The following C8orf34 variants were observed in gnomAD, a reference collection of about 807,000 sequenced individuals.
The protein encoded by C8orf34 is chromosome 8 open reading frame 34.
A neutral mutation model predicts 68.3 loss-of-function variants in C8orf34; 65 were observed. The ratio of observed to expected loss-of-function variants is 0.95; its 90% CI spans 0.78 to 1.17. The LOEUF (loss-of-function observed/expected upper bound fraction) is 1.17. Ranked by LOEUF, C8orf34 falls within the 50% of genes most tolerant of loss-of-function variation. The pLI, the probability that C8orf34 is intolerant of heterozygous loss-of-function variation, is 0.00. For missense variants in C8orf34, 664 were observed against 655.4 expected, an observed-to-expected ratio of 1.01 and a Z score of -0.14; for synonymous variants, 244 against 241.2, an observed-to-expected ratio of 1.01 and a Z score of -0.11.
At chr8:68,475,161 C>A (rs1812552712) in intron 4 of C8orf34, among the ~76,000 whole-genome samples, 1 of 152,200 alleles carries the variant, frequency 6.6e-6, no homozygotes, top group South Asian at 2.1e-4. Flanking sequence ...TCAGCTCCTT[C>A]CACTGCTTCC....
At chr8:68,524,265 T>C (rs1189251436) in intron 6 of C8orf34, among the ~76,000 whole-genome samples, 2 of 152,214 alleles carry the variant, frequency 1.3e-5, no homozygotes, top group African/African-American at 4.8e-5. Context: ...TTGAGAGTCT[T>C]ATGCGTAGAA....
intron 5 of C8orf34, among the ~76,000 whole-genome samples, chr8:68,514,054 A>G (rs1814398493): frequency 6.6e-6 from 1 of 152,192 alleles, no homozygotes; most frequent in Admixed American, 6.5e-5. Context: ...TAGTTCAGTT[A>G]AAGATGAGGT....
intron 13 of C8orf34, among the ~76,000 whole-genome samples, chr8:68,816,958 C>T (rs1237425881): frequency 6.6e-6 from 1 of 152,178 alleles, no homozygotes; most frequent in Non-Finnish European, 1.5e-5. Context: ...ACACAACTAT[C>T]ACGTGGTTCT....
intron 5 of C8orf34, among the ~76,000 whole-genome samples, chr8:68,509,336 C>T: frequency 6.6e-6 from 1 of 152,158 alleles, no homozygotes; most frequent in East Asian, 1.9e-4. Context: ...CAAAGCAAAA[C>T]AAGGGGAGCT....
At chr8:68,720,568 G>A (rs1821641051) in intron 9 of C8orf34, among the ~76,000 whole-genome samples, 1 of 151,500 alleles carries the variant, frequency 6.6e-6, no homozygotes, top group South Asian at 2.1e-4. Flanking sequence ...TTTAAATCCA[G>A]TGGTTTAAAA....
At chr8:68,798,610 A>G (rs1824246093) in intron 12 of C8orf34, among the ~76,000 whole-genome samples, 1 of 152,212 alleles carries the variant, frequency 6.6e-6, no homozygotes, top group South Asian at 2.1e-4. Context: ...AAAAACAATT[A>G]CTGTCAATTA....
At chr8:68,399,673 C>T (rs181328724) in intron 1 of C8orf34, among the ~76,000 whole-genome samples, 1 of 152,224 alleles carries the variant, frequency 6.6e-6, no homozygotes, top group East Asian at 1.9e-4. Context: ...TGGGTAGATT[C>T]CCAGTAGTGG....
chr8:68,382,342 T>C (rs1808078687), intron 1 of C8orf34, among the ~76,000 whole-genome samples: 1 of 152,184 alleles, frequency 6.6e-6, no homozygotes, highest in African/African-American at 2.4e-5. Context: ...AGGTTGCTTT[T>C]TTCTCTGTAT....
At chr8:68,779,195 A>T (rs1823605686) in intron 11 of C8orf34, among the ~76,000 whole-genome samples, 1 of 136,120 alleles carries the variant, frequency 7.3e-6, no homozygotes, top group Admixed American at 7.1e-5. Context: ...ACACACACAC[A>T]CACACACACA....
At chr8:68,354,453 T>C (rs1276648281) in intron 1 of C8orf34, among the ~76,000 whole-genome samples, 2 of 152,108 alleles carry the variant, frequency 1.3e-5, no homozygotes, top group African/African-American at 4.8e-5. Context: ...GCAATTCTCT[T>C]GCCTCAGCCT....
intron 5 of C8orf34, among the ~76,000 whole-genome samples, chr8:68,512,497 T>C (rs1262263745): frequency 4.6e-5 from 7 of 152,138 alleles, no homozygotes; most frequent in Non-Finnish European, 1.0e-4. Context: ...ATGTTCGAGA[T>C]TTAAAACACC....
intron 5 of C8orf34, among the ~76,000 whole-genome samples, chr8:68,517,595 G>A (rs144682995): frequency 3.3e-5 from 5 of 152,226 alleles, no homozygotes; most frequent in Admixed American, 1.3e-4. Flanking sequence ...TTCTCTCTCT[G>A]TGCTCTACTT....
chr8:68,707,270 C>T (rs1821193402), intron 8 of C8orf34, among the ~76,000 whole-genome samples: 1 of 152,046 alleles, frequency 6.6e-6, no homozygotes, highest in Non-Finnish European at 1.5e-5. Context: ...GTAAACTCAG[C>T]TCTTAAGGTA....
chr8:68,706,209 G>C (rs892247665), intron 8 of C8orf34, among the ~76,000 whole-genome samples: 3 of 152,178 alleles, frequency 2.0e-5, no homozygotes, highest in African/African-American at 7.2e-5. Context: ...GAAAATGGTG[G>C]GTTAATATAG....
chr8:68,431,626 G>A (rs1169326522), intron 1 of C8orf34, among the ~76,000 whole-genome samples: 1 of 152,136 alleles, frequency 6.6e-6, no homozygotes, highest in East Asian at 1.9e-4. Context: ...CTACAAGCTT[G>A]TGCTTTTATA....
chr8:68,394,887 G>A (rs757374956), intron 1 of C8orf34, among the ~76,000 whole-genome samples: 129 of 152,002 alleles, frequency 8.5e-4, no homozygotes, highest in Non-Finnish European at 1.5e-3. Context: ...TAAAAATGTG[G>A]TAATTCTAGA....
At chr8:68,625,433 G>C (rs574976616) in intron 7 of C8orf34, 1 of 528,098 alleles carries the variant, frequency 1.9e-6, no homozygotes, top group African/African-American at 1.9e-5. Flanking sequence ...ATGTTATTAA[G>C]GAAGAGCTCA....
chr8:68,475,376 C>G (rs1366111567), intron 4 of C8orf34, among the ~76,000 whole-genome samples: 4 of 152,218 alleles, frequency 2.6e-5, no homozygotes, highest in Non-Finnish European at 5.9e-5. Context: ...GAGGGCAGAG[C>G]CACTTTGCTC....
intron 7 of C8orf34, among the ~76,000 whole-genome samples, chr8:68,608,589 G>A (rs2380484): frequency 0.29 from 44,307 of 150,796 alleles, 8,304 homozygotes; most frequent in African/African-American, 0.55. Flanking sequence ...CCGAAGCAGG[G>A]AAAGAAATTG....
Sources: gnomAD v4.1 joint callset for allele counts (sites outside exome capture counted in the v4.1 genomes callset) on GRCh38, gnomAD v4.1.1 for gene constraint, MANE v1.5 for transcripts, NCBI Gene and HGNC (gene_info 2026-07-23, HGNC 2026-07-21) for gene names.